Variants in DNAH9 observed in about 807,000 individuals in gnomAD.
DNAH9 encodes the protein DNAH9 variant protein.
A neutral mutation model predicts 471.6 loss-of-function variants in DNAH9; 345 were observed. The observed-to-expected ratio is 0.73, with a 90% CI of 0.67 to 0.80. The LOEUF (loss-of-function observed/expected upper bound fraction) is 0.80. DNAH9 is among the 30% of genes least tolerant of loss of function. The pLI, the probability that DNAH9 is intolerant of heterozygous loss-of-function variation, is 0.00. For missense variants in DNAH9, 5,407 were observed against 5,609.2 expected (o/e 0.96, Z 1.15); for synonymous variants, 2,093 against 2,123.6 (o/e 0.99, Z 0.40).
At chr17:11,866,184 G>A (rs1597756240) in intron 50 of DNAH9, among the ~76,000 whole-genome samples, 2 of 150,670 alleles carry the variant, frequency 1.3e-5, no homozygotes, top group Non-Finnish European at 1.5e-5. Context: ...GTGATGTACA[G>A]ATGGGTTTTT....
At chr17:11,909,030 T>C (rs746552046) in intron 61 of DNAH9, among the ~76,000 whole-genome samples, 1 of 152,224 alleles carries the variant, frequency 6.6e-6, no homozygotes, top group Non-Finnish European at 1.5e-5. Context: ...GATGGAGTCT[T>C]TTGCTAAGAT....
In DNAH9 at chr17:11,598,799, CTT is replaced by C. The variant is rs769795916; in HGVS notation, c.307_308del (p.Phe103ProfsTer45). On this transcript the variant is annotated frameshift_variant, in exon 1 of 69. Transcript: ENST00000262442. LOFTEE classifies it high-confidence loss of function. ...PESGLAGAKA[L>X]FFLRTGPEPP... The stretch of plus-strand genomic sequence containing the variant: ...GTCGGGCCTGGCTGGCGCTAAGGCG[CTT>C]TTTTTCCTTCGCACCGGGCCCGAGC... 6.8e-7 allele frequency: 1 copy of C among 1,479,804 alleles called. No individual in the cohort carries two copies. The highest frequency in any genetic ancestry group is 8.9e-7 in the Non-Finnish European group (1 of 1,118,908). 91.7% of individuals were successfully genotyped at this position (1,479,804 alleles called of 1,614,324 possible). A position where few individuals can be genotyped will look rare whatever the true frequency, so the allele number is the denominator to read the frequency against.
chr17:11,668,053 T>C (rs1204283784), intron 15 of DNAH9, among the ~76,000 whole-genome samples: 1 of 152,236 alleles, frequency 6.6e-6, no homozygotes, highest in Admixed American at 6.5e-5. Context: ...ACTTTAACCA[T>C]ATATCTTGTA....
intron 35 of DNAH9, among the ~76,000 whole-genome samples, chr17:11,759,658 G>C (rs976300894): frequency 6.6e-6 from 1 of 150,540 alleles, no homozygotes; most frequent in African/African-American, 2.4e-5. Flanking sequence ...GAGTAGCTGG[G>C]ATTACAAGTG....
At chr17:11,965,775 A>G (rs1976654169) in intron 68 of DNAH9, among the ~76,000 whole-genome samples, 1 of 152,208 alleles carries the variant, frequency 6.6e-6, no homozygotes, top group African/African-American at 2.4e-5. Flanking sequence ...GAAAAATTAT[A>G]TATGTTTTTA....
intron 19 of DNAH9, among the ~76,000 whole-genome samples, chr17:11,688,984 T>C (rs1233358660): frequency 6.6e-6 from 1 of 151,764 alleles, no homozygotes; most frequent in East Asian, 1.9e-4. Flanking sequence ...TATTCCCAGC[T>C]ACTTGGGAGG....
chr17:11,746,550 G>A (rs1966887094), intron 31 of DNAH9, among the ~76,000 whole-genome samples: 1 of 152,116 alleles, frequency 6.6e-6, no homozygotes, highest in African/African-American at 2.4e-5. Flanking sequence ...AACTCACTCA[G>A]TATCACAAGA....
Position 11,632,689 on chromosome 17 carries a change from G to C in DNAH9, c.1621G>C (p.Glu541Gln). ...IQAFDDAPGL[E>Q]HAFKLLDIAG... is the part of the protein sequence containing the mutation. ...AGCTTTTGATGATGCACCTGGCTTG[G>C]AGCATGCCTTTAAGGTTTGTGTAAA... Residue 541 changes from glutamate (E) to glutamine (Q), a missense_variant, in exon 8 of 69, where the codon GAG becomes CAG. This residue lies in a region of DNAH9 where 767 missense variants were observed against 692.5 expected (regional missense o/e 1.11). Transcript: ENST00000262442. 6.3e-7 allele frequency: 1 copy of C among 1,588,664 alleles called. No homozygotes were observed. The highest frequency in any genetic ancestry group is 8.6e-7 in the Non-Finnish European group (1 of 1,156,828).
chr17:11,680,966 G>A (rs928638006), intron 19 of DNAH9, 77 bp downstream of exon 19: 68 of 1,338,950 alleles, frequency 5.1e-5, no homozygotes, highest in Non-Finnish European at 6.1e-5. Context: ...TTTGTGGGGC[G>A]TGTGTATTCT....
intron 26 of DNAH9, among the ~76,000 whole-genome samples, chr17:11,710,914 G>A (rs79522270): frequency 5.3e-5 from 8 of 152,300 alleles, no homozygotes; most frequent in Non-Finnish European, 1.0e-4. Flanking sequence ...AATGAGTCCA[G>A]CTTGCTGCAG....
chr17:11,606,215 C>G (rs1374014607), intron 1 of DNAH9, among the ~76,000 whole-genome samples: 1 of 152,172 alleles, frequency 6.6e-6, no homozygotes, highest in African/African-American at 2.4e-5. Flanking sequence ...TAGAATCTAA[C>G]ATGCTGGGTC....
intron 27 of DNAH9, among the ~76,000 whole-genome samples, chr17:11,724,555 A>T (rs1472209200): frequency 6.6e-6 from 1 of 152,226 alleles, no homozygotes; most frequent in Non-Finnish European, 1.5e-5. Flanking sequence ...TGTATATACT[A>T]CATTTTCTTT....
intron 51 of DNAH9, among the ~76,000 whole-genome samples, chr17:11,871,303 C>A (rs1180911920): frequency 2.0e-5 from 3 of 152,352 alleles, no homozygotes; most frequent in East Asian, 3.9e-4. Flanking sequence ...GATTATATTT[C>A]ATCCTCTCAA....
intron 51 of DNAH9, among the ~76,000 whole-genome samples, chr17:11,871,294 A>T (rs1972252445): frequency 6.6e-6 from 1 of 152,212 alleles, no homozygotes; most frequent in African/African-American, 2.4e-5. Flanking sequence ...AACATACATG[A>T]TTATATTTCA....
Position 11,669,325 on chromosome 17 carries a change from G to A in DNAH9, c.2929-45G>A, listed in dbSNP as rs1316274561. 5 of 1,596,650 alleles carry A rather than the reference G, an allele frequency of 3.1e-6. No individual in the cohort carries two copies. The Admixed American group carries it at 6.8e-5, about 22-fold the overall frequency. Reference sequence around the variant, plus strand: ...CGTCCAGCCGAATCTCGAACTTCCTGCCACACACTGGTGTAACCTGCCTGC... The same window carrying A: ...CGTCCAGCCGAATCTCGAACTTCCTACCACACACTGGTGTAACCTGCCTGC... On this transcript the variant is annotated intron_variant, in intron 16 of 68. Coordinates refer to ENST00000262442, the MANE Select transcript of DNAH9 (RefSeq NM_001372.4).
chr17:11,939,488 G>T (rs1974827670), intron 66 of DNAH9, among the ~76,000 whole-genome samples: 1 of 152,198 alleles, frequency 6.6e-6, no homozygotes, highest in African/African-American at 2.4e-5. Context: ...ACGTGTGCAG[G>T]TTACTGGGTG....
chr17:11,799,860 C>T (rs1187887082), intron 43 of DNAH9, among the ~76,000 whole-genome samples: 2 of 152,222 alleles, frequency 1.3e-5, no homozygotes, highest in Non-Finnish European at 2.9e-5. Context: ...GCTGGGATTA[C>T]AGGCCTGAGC....
chr17:11,830,387 A>G (rs1204048623), intron 48 of DNAH9, among the ~76,000 whole-genome samples: 1 of 152,190 alleles, frequency 6.6e-6, no homozygotes, highest in Non-Finnish European at 1.5e-5. Context: ...AATTGCCTGC[A>G]TATAGGACTC....
chr17:11,936,127 A>G (rs1307186757), intron 65 of DNAH9, among the ~76,000 whole-genome samples: 1 of 152,202 alleles, frequency 6.6e-6, no homozygotes, highest in Non-Finnish European at 1.5e-5. Flanking sequence ...TGTGTTAGTT[A>G]ATAGATGGTT....
Sources: allele counts gnomAD v4.1 joint callset (sites outside exome capture counted in the v4.1 genomes callset), GRCh38; gene constraint gnomAD v4.1.1; regional missense constraint gnomAD v4.1.1; transcripts MANE v1.5; gene names NCBI Gene and HGNC (gene_info 2026-07-23, HGNC 2026-07-21).